Variants in TECRL observed in about 807,000 individuals in gnomAD.
TECRL encodes the protein trans-2,3-enoyl-CoA reductase-like.
In TECRL, 63 loss-of-function variants were observed where a neutral mutation model predicts 52.8. The observed-to-expected ratio is 1.19, with a 90% CI of 0.97 to 1.47. TECRL has a LOEUF of 1.47. Ranked by LOEUF, TECRL falls within the 40% of genes most tolerant of loss-of-function variation. The pLI, the probability that TECRL is intolerant of heterozygous loss-of-function variation, is 0.00. For missense variants in TECRL, 482 were observed against 429.6 expected, an observed-to-expected ratio of 1.12 and a Z score of -1.08; for synonymous variants, 164 against 141.9, an observed-to-expected ratio of 1.16 and a Z score of -1.10.
At chr4:64,356,249 C>T (rs1720761194) in intron 2 of TECRL, among the ~76,000 whole-genome samples, 1 of 152,116 alleles carries the variant, frequency 6.6e-6, no homozygotes, top group African/African-American at 2.4e-5. Flanking sequence ...TGAAATATGG[C>T]CTCCTGGGAT....
rs1717831510 is a variant in TECRL, at chr4:64,320,599, T to C, written c.435+2090A>G. On this transcript the variant is annotated intron_variant, in intron 4 of 11. Transcript: ENST00000381210. Reference sequence around the variant, plus strand: ...GTACAATTGTCAAATAATTCCACTATAGTGTGTTTTCTTCTCAGTGCTTAT... The same window carrying C: ...GTACAATTGTCAAATAATTCCACTACAGTGTGTTTTCTTCTCAGTGCTTAT... Among the ~76,000 whole-genome samples the C allele has an allele frequency of 2.6e-5, 4 of 152,120 alleles. No homozygotes were observed. The South Asian group carries it at 8.3e-4, about 32-fold the overall frequency.
At chr4:64,331,422 G>T (rs369139286) in intron 2 of TECRL, among the ~76,000 whole-genome samples, 7 of 152,028 alleles carry the variant, frequency 4.6e-5, no homozygotes, top group African/African-American at 1.4e-4. Context: ...TATGCATTCA[G>T]TTTAGGTAAC....
intron 8 of TECRL, among the ~76,000 whole-genome samples, chr4:64,290,089 A>C (rs1030166666): frequency 6.6e-6 from 1 of 152,166 alleles, no homozygotes; most frequent in Non-Finnish European, 1.5e-5. Context: ...ATACAGAGAC[A>C]ACTCTTGCTG....
At chr4:64,362,832 A>G (rs958655432) in intron 2 of TECRL, among the ~76,000 whole-genome samples, 13 of 152,260 alleles carry the variant, frequency 8.5e-5, no homozygotes, top group South Asian at 6.2e-4. Context: ...AGACAGGATT[A>G]TATCCTTAAA....
At chr4:64,402,094 T>C (rs1724395096) in intron 1 of TECRL, among the ~76,000 whole-genome samples, 1 of 152,136 alleles carries the variant, frequency 6.6e-6, no homozygotes, top group Non-Finnish European at 1.5e-5. Flanking sequence ...ATACAAACTT[T>C]AGAATCAAAT....
At chr4:64,317,661 G>T (rs11944940) in intron 4 of TECRL, among the ~76,000 whole-genome samples, 5,876 of 152,098 alleles carry the variant, frequency 0.039, 375 homozygotes, top group African/African-American at 0.13. Context: ...AAAGATTGTG[G>T]TTTTTTTGTA....
chr4:64,349,582 T>C (rs1720236633), intron 2 of TECRL, among the ~76,000 whole-genome samples: 2 of 152,206 alleles, frequency 1.3e-5, no homozygotes, highest in Admixed American at 6.5e-5. Flanking sequence ...TTTAACACAA[T>C]TGCAAATGCT....
chr4:64,295,278 T>C (rs1723615908), intron 8 of TECRL, among the ~76,000 whole-genome samples: 1 of 151,312 alleles, frequency 6.6e-6, no homozygotes, highest in Non-Finnish European at 1.5e-5. Flanking sequence ...TATTATTACA[T>C]AATGTGAAAT....
intron 11 of TECRL, among the ~76,000 whole-genome samples, 174 bp from the exon 12 acceptor site, chr4:64,280,373 G>A (rs978840307): frequency 5.9e-5 from 9 of 151,930 alleles, no homozygotes; most frequent in African/African-American, 1.9e-4. Flanking sequence ...AATATCGCAT[G>A]AATGAGTAAA....
chr4:64,340,767 C>T (rs1032352233), intron 2 of TECRL, among the ~76,000 whole-genome samples: 1 of 152,122 alleles, frequency 6.6e-6, no homozygotes, highest in Non-Finnish European at 1.5e-5. Flanking sequence ...GGATGGGGAC[C>T]CAGCTGCCAG....
chr4:64,314,695 T>C lies in TECRL; in HGVS notation c.504A>G (p.Ile168Met), dbSNP rs202210809. ...TTCTAGCACTCTCTTTTCCATCATA[T>C]ATACATGGGATCCTCAAATAAAAGA... ...YLLFYLRIPC[I>M]YDGKESARRL... Residue 168 changes from isoleucine to methionine, a missense_variant, in exon 5 of 12, where the codon ATA becomes ATG. Coordinates refer to ENST00000381210, the MANE Select transcript of TECRL (RefSeq NM_001010874.5). 6.2e-7 allele frequency: 1 copy of C among 1,613,680 alleles called. No homozygotes were observed. The highest frequency in any genetic ancestry group is 8.5e-7 in the Non-Finnish European group (1 of 1,179,832).
chr4:64,406,180 G>GTGTA (rs67441561), intron 1 of TECRL, among the ~76,000 whole-genome samples: 2 of 151,466 alleles, frequency 1.3e-5, no homozygotes, highest in African/African-American at 4.8e-5. Flanking sequence ...GTGTGTGTGT[G>GTGTA]TATGTGTGTA....
At chr4:64,314,592 TGTGTGTG>T in intron 5 of TECRL, 49 bp downstream of exon 5, 1 of 56,706 alleles carries the variant, frequency 1.8e-5, no homozygotes. Flanking sequence ...ACGTGTATGG[TGTGTGTG>T]TGTGTGTGTG....
At chr4:64,334,461 T>G (rs757085034) in intron 2 of TECRL, among the ~76,000 whole-genome samples, 1 of 152,196 alleles carries the variant, frequency 6.6e-6, no homozygotes, top group South Asian at 2.1e-4. Flanking sequence ...AGATGTATGA[T>G]AGTGTTTATC....
chr4:64,300,119 A>C, intron 7 of TECRL, 102 bp from the exon 8 acceptor site: 2 of 827,690 alleles, frequency 2.4e-6, no homozygotes, highest in Non-Finnish European at 3.7e-6. Flanking sequence ...AAATTCTATA[A>C]TCAATAGAAC....
intron 2 of TECRL, among the ~76,000 whole-genome samples, chr4:64,353,265 C>T (rs747881258): frequency 1.3e-5 from 2 of 152,038 alleles, no homozygotes; most frequent in Admixed American, 6.6e-5. Context: ...ATAGTTAATA[C>T]ACAGTGTGCA....
Position 64,277,925 on chromosome 4 carries a change from G to T in TECRL, c.*2147C>A, listed in dbSNP as rs1366745436. ...ACACACATGCACATAGGCTTTCATAGAAGATAGGTATTTAAAGATGTAAAA... is the reference window on the plus strand; with the variant it reads ...ACACACATGCACATAGGCTTTCATATAAGATAGGTATTTAAAGATGTAAAA... On this transcript the variant is annotated 3_prime_UTR_variant, in exon 12 of 12. Coordinates refer to ENST00000381210, the MANE Select transcript of TECRL (RefSeq NM_001010874.5). The T allele has an allele frequency of 6.6e-6, 1 of 151,552 alleles. No individual in the cohort carries two copies. The highest frequency in any genetic ancestry group is 6.6e-5 in the Admixed American group (1 of 15,204). 9.4% of individuals were successfully genotyped at this position (151,552 alleles called of 1,614,324 possible).
intron 1 of TECRL, among the ~76,000 whole-genome samples, chr4:64,403,820 G>A (rs962681993): frequency 3.3e-5 from 5 of 150,912 alleles, no homozygotes; most frequent in Non-Finnish European, 5.9e-5. Flanking sequence ...GGAATATGAG[G>A]AAGAGGCAGA....
chr4:64,343,057 T>G (rs1719701271), intron 2 of TECRL, among the ~76,000 whole-genome samples: 1 of 151,402 alleles, frequency 6.6e-6, no homozygotes, highest in Non-Finnish European at 1.5e-5. Context: ...TAATAAAAAA[T>G]TCAACAGAAA....
Sources: gnomAD v4.1 joint callset for allele counts (sites outside exome capture counted in the v4.1 genomes callset) on GRCh38, gnomAD v4.1.1 for gene constraint, MANE v1.5 for transcripts, NCBI Gene and HGNC (gene_info 2026-07-23, HGNC 2026-07-21) for gene names.